The following CABLES1 variants were observed in gnomAD, a reference collection of about 807,000 sequenced individuals.
The protein encoded by CABLES1 is CDK5 and ABL1 enzyme substrate 1.
CABLES1 carries 36 observed loss-of-function variants against 57.8 expected under a neutral mutation model. The observed-to-expected ratio is 0.62, with a 90% CI of 0.48 to 0.82. The LOEUF (loss-of-function observed/expected upper bound fraction) is 0.82. Ranked by LOEUF, CABLES1 falls within the 40% of genes least tolerant of loss-of-function variation. CABLES1 has a pLI of 0.00. For synonymous variants in CABLES1, 374 were observed against 363.0 expected (o/e 1.03, Z -0.35); for missense variants, 767 against 836.6 (o/e 0.92, Z 1.03).
intron 1 of CABLES1, among the ~76,000 whole-genome samples, chr18:23,146,690 GA>G (rs1171957064): frequency 1.3e-5 from 2 of 152,192 alleles, no homozygotes; most frequent in Non-Finnish European, 2.9e-5. Context: ...AACAGCTTAA[GA>G]AGTACTTTTT....
rs752307787 is a variant in CABLES1 at position 23,234,654 on chromosome 18, T to G, written c.1135T>G (p.Leu379Val). 3.1e-6 allele frequency: 5 copies of G among 1,613,880 alleles called. No homozygotes were observed. The Admixed American group carries it at 5.0e-5, about 16-fold the overall frequency. The change falls in exon 5 of 10, where the codon TTG (leucine) becomes GTG (valine). Residue 379 changes from leucine (L) to valine (V), a missense_variant. Leu to Val is a conservative substitution (Grantham distance 32). This residue lies in a region of CABLES1 where 529 missense variants were observed against 622.8 expected (regional missense o/e 0.85). Coordinates refer to ENST00000256925, the MANE Select transcript of CABLES1 (RefSeq NM_001100619.3). ...AAGACAATCAACTGGTGCAGTGAGT[T>G]TGAAAGAGATCATTGGTCTGGAAGG... ...GGRQSTGAVS[L>V]KEIIGLEGVE...
chr18:23,249,482 T>C (rs2047984792), intron 7 of CABLES1, among the ~76,000 whole-genome samples: 1 of 152,216 alleles, frequency 6.6e-6, no homozygotes, highest in Admixed American at 6.5e-5. Context: ...AAACTTGTCA[T>C]GGTGCAGGTG....
intron 9 of CABLES1, among the ~76,000 whole-genome samples, chr18:23,256,375 G>A (rs1173420800): frequency 2.6e-5 from 4 of 152,350 alleles, no homozygotes; most frequent in East Asian, 3.9e-4. Context: ...GAGACTTCCC[G>A]AGGACTTAGA....
rs1160882305 is a variant in CABLES1 at position 23,136,146 on chromosome 18, G to A, written c.384G>A (p.Pro128=). ...GCIALAAPGT[P]AAGLAAGSGP... is the part of the protein sequence containing the mutation. ...TCGCGCTCGCCGCGCCGGGCACGCC[G>A]GCTGCGGGGTTAGCCGCTGGGTCCG... is the stretch of plus-strand genomic sequence containing the variant. Residue 128 remains proline (P), a synonymous_variant, in exon 1 of 10, where the codon CCG becomes CCA. Coordinates refer to ENST00000256925, the MANE Select transcript of CABLES1 (RefSeq NM_001100619.3). 1 of 1,205,956 alleles carries A rather than the reference G, an allele frequency of 8.3e-7. No homozygotes were observed. The highest frequency in any genetic ancestry group is 1.0e-6 in the Non-Finnish European group (1 of 971,660). 74.7% of individuals were successfully genotyped at this position (1,205,956 alleles called of 1,614,324 possible).
intron 4 of CABLES1, among the ~76,000 whole-genome samples, chr18:23,227,681 G>C (rs1447641908): frequency 3.3e-5 from 5 of 152,140 alleles, no homozygotes; most frequent in African/African-American, 1.2e-4. Context: ...CAACAAACGG[G>C]ACTCTTAAGC....
chr18:23,137,766 C>A (rs2046832941), intron 1 of CABLES1, among the ~76,000 whole-genome samples: 1 of 152,150 alleles, frequency 6.6e-6, no homozygotes, highest in African/African-American at 2.4e-5. Flanking sequence ...GTACTTCTTC[C>A]GAAGTGGGTG....
In CABLES1 at chr18:23,260,385, G is replaced by A. The variant is rs1164127744; in HGVS notation, c.*3018G>A. 3 of 152,218 alleles carry A rather than the reference G, an allele frequency of 2.0e-5. No individual in the cohort carries two copies. Among genetic ancestry groups the A allele is most frequent in the Non-Finnish European group, 2.9e-5 (2 of 68,056 alleles). 9.4% of individuals were successfully genotyped at this position (152,218 alleles called of 1,614,324 possible). ...GTACCACGTGCCCTACCTTAGTGAC[G>A]GGAGTAAGGAGCTTCCTTCCCCTCC... is the stretch of plus-strand genomic sequence containing the variant. On this transcript the variant is annotated 3_prime_UTR_variant, in exon 10 of 10. Coordinates refer to ENST00000256925, the MANE Select transcript of CABLES1 (RefSeq NM_001100619.3).
chr18:23,199,498 G>A (rs1315147774), intron 3 of CABLES1, among the ~76,000 whole-genome samples: 2 of 152,196 alleles, frequency 1.3e-5, no homozygotes, highest in Non-Finnish European at 2.9e-5. Flanking sequence ...TCCATACAAT[G>A]GAGTAGTATT....
chr18:23,212,678 C>T (rs1177960073), intron 3 of CABLES1, among the ~76,000 whole-genome samples: 6 of 152,174 alleles, frequency 3.9e-5, no homozygotes, highest in Non-Finnish European at 7.3e-5. Context: ...CGGACTCACC[C>T]TCTAGTAAAG....
At chr18:23,145,419 T>C (rs2046885905) in intron 1 of CABLES1, among the ~76,000 whole-genome samples, 1 of 152,152 alleles carries the variant, frequency 6.6e-6, no homozygotes. Flanking sequence ...CCTGTTCTCC[T>C]CTTTGGGGGC....
At chr18:23,255,924 A>C (rs2048154191) in intron 9 of CABLES1, among the ~76,000 whole-genome samples, 1 of 152,170 alleles carries the variant, frequency 6.6e-6, no homozygotes, top group South Asian at 2.1e-4. Context: ...TGCACATTTA[A>C]TCATAGTTGA....
intron 1 of CABLES1, among the ~76,000 whole-genome samples, chr18:23,150,828 G>A (rs2046924287): frequency 1.3e-5 from 2 of 151,882 alleles, no homozygotes; most frequent in African/African-American, 2.4e-5. Context: ...ATGGGGAGCC[G>A]TGTGTTCTAG....
chr18:23,206,898 ACT>A (rs1213504398), intron 3 of CABLES1, among the ~76,000 whole-genome samples: 2 of 150,468 alleles, frequency 1.3e-5, no homozygotes, highest in Admixed American at 1.3e-4. Context: ...GCAGCCTTGA[ACT>A]CCTGGGCTCA....
At chr18:23,243,615 G>A (rs1183192969) in intron 7 of CABLES1, among the ~76,000 whole-genome samples, 3 of 151,636 alleles carry the variant, frequency 2.0e-5, no homozygotes, top group East Asian at 1.9e-4. Flanking sequence ...GCTCATGCCT[G>A]TAATCCCAGC....
Position 23,157,228 on chromosome 18 carries a change from T to G in CABLES1, c.845+20621T>G, listed in dbSNP as rs140382445. 2.2e-4 allele frequency among the ~76,000 whole-genome samples: 34 copies of G among 152,270 alleles called. No individual in the cohort carries two copies. In the East Asian group the frequency reaches 6.4e-3, roughly 29 times the overall value. Reference sequence around the variant, plus strand: ...AGTATGGCTTAACCCCATCTCTGTTTTATTTAGAAATACATATATATGTTA... The same window carrying G: ...AGTATGGCTTAACCCCATCTCTGTTGTATTTAGAAATACATATATATGTTA... On this transcript the variant is annotated intron_variant, in intron 1 of 9. Transcript: ENST00000256925.
chr18:23,199,333 A>G (rs958756136), intron 3 of CABLES1, among the ~76,000 whole-genome samples: 7 of 152,238 alleles, frequency 4.6e-5, no homozygotes, highest in African/African-American at 1.7e-4. Context: ...GTTGTAATTA[A>G]TTACCTAGCA....
At chr18:23,202,736 C>T (rs1432446444) in intron 3 of CABLES1, among the ~76,000 whole-genome samples, 1 of 152,140 alleles carries the variant, frequency 6.6e-6, no homozygotes, top group Non-Finnish European at 1.5e-5. Context: ...CCTGTAATCC[C>T]AGCACTTTGG....
At position 23,216,831 on chromosome 18, in the gene CABLES1, G is replaced by A. The variant is rs919997902; in HGVS notation, c.1088+2777G>A. On this transcript the variant is annotated intron_variant, in intron 4 of 9. Transcript: ENST00000256925. ...CTAGGTGGCAGCCAGTTGGTGCTAG[G>A]AAACAGTGTCTGTTCATGCCTGGGT... Among the ~76,000 whole-genome samples the A allele has an allele frequency of 4.6e-5, 7 of 152,270 alleles. No individual in the cohort carries two copies. In the South Asian group the frequency reaches 1.5e-3, roughly 32 times the overall value.
At chr18:23,256,461 TC>T (rs2048168421) in intron 9 of CABLES1, among the ~76,000 whole-genome samples, 1 of 152,320 alleles carries the variant, frequency 6.6e-6, no homozygotes, top group South Asian at 2.1e-4. Context: ...GTTTTTATTG[TC>T]GTGCGTGGTT....
Sources: gnomAD v4.1 joint callset for allele counts (sites outside exome capture counted in the v4.1 genomes callset) on GRCh38, gnomAD v4.1.1 for gene constraint, gnomAD v4.1.1 regional missense constraint, MANE v1.5 for transcripts, NCBI Gene and HGNC (gene_info 2026-07-23, HGNC 2026-07-21) for gene names.